ENPEP: variants seen among roughly 807,000 people sequenced by gnomAD.
ENPEP encodes glutamyl aminopeptidase.
Under a neutral mutation model 114.5 loss-of-function variants are expected in ENPEP, and 103 were observed. That is an observed-to-expected ratio of 0.90 (90% CI 0.77 to 1.06). The LOEUF (loss-of-function observed/expected upper bound fraction) is 1.06, where lower values mean the gene tolerates loss of function less well. Among genes scored for constraint, ENPEP ranks in the 50% least tolerant of loss-of-function variants. The pLI, the probability that ENPEP is intolerant of heterozygous loss-of-function variation, is 0.00. For missense variants in ENPEP, 1,196 were observed against 1,161.3 expected, an observed-to-expected ratio of 1.03 and a Z score of -0.43; for synonymous variants, 420 against 422.0, an observed-to-expected ratio of 1.00 and a Z score of 0.06.
At chr4:110,551,142 A>T (rs1392531125) in intron 17 of ENPEP, among the ~76,000 whole-genome samples, 1 of 151,814 alleles carries the variant, frequency 6.6e-6, no homozygotes, top group African/African-American at 2.4e-5. Context: ...TTCACAAAAC[A>T]TCACTAATTC....
chr4:110,529,091 A>G (rs1406267997), intron 10 of ENPEP, among the ~76,000 whole-genome samples: 3 of 152,182 alleles, frequency 2.0e-5, no homozygotes, highest in Admixed American at 6.5e-5. Context: ...TGAGATTAGG[A>G]GAACAGCTTC....
chr4:110,499,598 A>G (rs995687588), intron 3 of ENPEP, among the ~76,000 whole-genome samples: 22 of 152,212 alleles, frequency 1.4e-4, no homozygotes, highest in Non-Finnish European at 1.8e-4. Flanking sequence ...TAGTTTGAAT[A>G]CTATATGTTA....
intron 18 of ENPEP, among the ~76,000 whole-genome samples, chr4:110,554,511 A>T (rs1727402151): frequency 6.6e-6 from 1 of 151,812 alleles, no homozygotes; most frequent in Admixed American, 6.6e-5. Flanking sequence ...CTGTTCACCC[A>T]TCTCTATGAA....
chr4:110,476,558 C>T lies in ENPEP; in HGVS notation c.144C>T (p.Asp48=), dbSNP rs778573747. The T allele has an allele frequency of 6.2e-7, 1 of 1,612,514 alleles. No individual in the cohort carries two copies. Among genetic ancestry groups the T allele is most frequent in the African/African-American group, 1.3e-5 (1 of 74,910 alleles). ...CCAGATCGTGTGACTCCAGCGGGGACGGCGGGCCGGGCACTGCGCCAGCTC... is the reference window on the plus strand; with the variant it reads ...CCAGATCGTGTGACTCCAGCGGGGATGGCGGGCCGGGCACTGCGCCAGCTC... ...GLTRSCDSSG[D]GGPGTAPAPS... The change falls in exon 1 of 20, where the codon GAC becomes GAT. Residue 48 remains aspartate, a synonymous_variant. Coordinates refer to ENST00000265162, the MANE Select transcript of ENPEP (RefSeq NM_001977.4).
At chr4:110,528,148 T>C (rs925074646) in intron 10 of ENPEP, among the ~76,000 whole-genome samples, 1 of 152,236 alleles carries the variant, frequency 6.6e-6, no homozygotes, top group Non-Finnish European at 1.5e-5. Flanking sequence ...ATTTATATTC[T>C]TAGTTGCATG....
At chr4:110,540,417 G>GA (rs895812754) in intron 11 of ENPEP, among the ~76,000 whole-genome samples, 28 of 151,398 alleles carry the variant, frequency 1.8e-4, no homozygotes, top group African/African-American at 6.3e-4. Context: ...GTTATAATCA[G>GA]AAAAAAAATA....
At position 110,542,823 on chromosome 4, in the gene ENPEP, A is replaced by G. The variant is rs763241862; in HGVS notation, c.1880A>G (p.Tyr627Cys). 5 of 1,613,218 alleles carry G rather than the reference A, an allele frequency of 3.1e-6. No individual in the cohort carries two copies. Among genetic ancestry groups the G allele is most frequent in the Non-Finnish European group, 4.2e-6 (5 of 1,179,408 alleles). Residue 627 changes from tyrosine to cysteine, a missense_variant, in exon 12 of 20, where the codon TAT becomes TGT. Coordinates refer to ENST00000265162, the MANE Select transcript of ENPEP (RefSeq NM_001977.4). Reference protein sequence around the residue: ...LKINPDHIGFYRVNYEVATWD... With the variant: ...LKINPDHIGFCRVNYEVATWD... ...ATAAACCCAGATCATATTGGGTTTT[A>G]TCGTGTAAATTATGAAGTAGCAACT... is the stretch of plus-strand genomic sequence containing the variant.
chr4:110,544,909 C>G (rs1303597146), intron 13 of ENPEP, among the ~76,000 whole-genome samples: 1 of 152,110 alleles, frequency 6.6e-6, no homozygotes, highest in African/African-American at 2.4e-5. Flanking sequence ...GAAAATGAAA[C>G]AAATTTGAAA....
Position 110,509,714 on chromosome 4 carries a change from C to T in ENPEP, c.1101C>T (p.Tyr367=). The T allele has an allele frequency of 6.2e-7, 1 of 1,614,194 alleles. No individual in the cohort carries two copies. Among genetic ancestry groups the T allele is most frequent in the Non-Finnish European group, 8.5e-7 (1 of 1,180,026 alleles). The change falls in exon 5 of 20, where the codon TAC becomes TAT. Residue 367 remains tyrosine, a synonymous_variant. Transcript: ENST00000265162. ...GAMENWGLIT[Y]RETNLLYDPK... ...TGGAGAACTGGGGACTCATCACGTA[C>T]AGAGAAACGAACCTGCTTTATGACC... is the stretch of plus-strand genomic sequence containing the variant.
intron 11 of ENPEP, among the ~76,000 whole-genome samples, chr4:110,534,385 T>C (rs993558975): frequency 1.3e-5 from 2 of 152,090 alleles, no homozygotes; most frequent in Admixed American, 1.3e-4. Flanking sequence ...TCTCCTGTCA[T>C]AAAATATAGT....
chr4:110,519,103 A>G, intron 8 of ENPEP: 1 of 455,808 alleles, frequency 2.2e-6, no homozygotes, highest in Non-Finnish European at 4.4e-6. Context: ...CAAGAAGTGA[A>G]TTAACCAAAA....
rs143715554 is a variant in ENPEP at position 110,482,994 on chromosome 4, G to A, written c.645-5547G>A. Among the ~76,000 whole-genome samples, 531 of 152,336 alleles carry A rather than the reference G, an allele frequency of 3.5e-3. 4 individuals carry two copies. Among genetic ancestry groups the A allele is most frequent in the Middle Eastern group, 0.017 (5 of 294 alleles). Reference sequence around the variant, plus strand: ...ACTGCACTCTAGCCTGGGTGACAGAGTGAGACTCCATCTCAAACAAACAAA... The same window carrying A: ...ACTGCACTCTAGCCTGGGTGACAGAATGAGACTCCATCTCAAACAAACAAA... On this transcript the variant is annotated intron_variant, in intron 1 of 19. Coordinates refer to ENST00000265162, the MANE Select transcript of ENPEP (RefSeq NM_001977.4).
intron 3 of ENPEP, among the ~76,000 whole-genome samples, chr4:110,502,437 G>A (rs1394837804): frequency 6.6e-6 from 1 of 152,100 alleles, no homozygotes; most frequent in Non-Finnish European, 1.5e-5. Flanking sequence ...CCTGTCTTGA[G>A]TTGACTTTTG....
Position 110,476,999 on chromosome 4 carries a change from G to C in ENPEP, c.585G>C (p.Trp195Cys), listed in dbSNP as rs775040470. The C allele has an allele frequency of 6.2e-7, 1 of 1,614,198 alleles. No homozygotes were observed. Among genetic ancestry groups the C allele is most frequent in the Non-Finnish European group, 8.5e-7 (1 of 1,180,040 alleles). ...TCCTGACCATGGAGTTCGCCGGCTG[G>C]CTGAACGGCTCCCTCGTGGGATTTT... Reference protein sequence around the residue: ...LYLLTMEFAGWLNGSLVGFYR... With the variant: ...LYLLTMEFAGCLNGSLVGFYR... Residue 195 changes from tryptophan to cysteine, a missense_variant, in exon 1 of 20, where the codon TGG (tryptophan) becomes TGC (cysteine). By Grantham distance (215) the Trp-to-Cys change is radical (BLOSUM62 -2). Coordinates refer to ENST00000265162, the MANE Select transcript of ENPEP (RefSeq NM_001977.4).
intron 8 of ENPEP, among the ~76,000 whole-genome samples, chr4:110,518,796 T>A (rs1338841637): frequency 6.6e-6 from 1 of 152,128 alleles, no homozygotes; most frequent in East Asian, 1.9e-4. Flanking sequence ...ATATTTAAAG[T>A]CCCTTCCAGT....
chr4:110,530,328 A>G (rs1292192581), intron 10 of ENPEP, among the ~76,000 whole-genome samples: 3 of 152,212 alleles, frequency 2.0e-5, no homozygotes, highest in Non-Finnish European at 4.4e-5. Flanking sequence ...CTTGAATGAC[A>G]TACATTTTGT....
chr4:110,477,076 C>A lies in ENPEP; in HGVS notation c.644+18C>A. ...CAAGTCAAGTAAATATTAATTTTTG[C>A]TTTACCTCCCTTAAGCTCACATATC... is the stretch of plus-strand genomic sequence containing the variant. On this transcript the variant is annotated intron_variant, in intron 1 of 19. Transcript: ENST00000265162. 2.5e-6 allele frequency: 4 copies of A among 1,603,786 alleles called. No individual in the cohort carries two copies. The highest frequency in any genetic ancestry group is 3.4e-6 in the Non-Finnish European group (4 of 1,174,270).
intron 1 of ENPEP, among the ~76,000 whole-genome samples, chr4:110,488,234 C>A (rs1246342288): frequency 6.6e-6 from 1 of 152,156 alleles, no homozygotes. Flanking sequence ...TGCTCCTCCA[C>A]AGAGTTTTAG....
intron 3 of ENPEP, among the ~76,000 whole-genome samples, chr4:110,495,094 G>C (rs555985149): frequency 6.6e-6 from 1 of 152,216 alleles, no homozygotes; most frequent in East Asian, 1.9e-4. Context: ...CATCAGAGAG[G>C]AAACAATATC....
Sources: allele counts gnomAD v4.1 joint callset (sites outside exome capture counted in the v4.1 genomes callset), GRCh38; gene constraint gnomAD v4.1.1; transcripts MANE v1.5; gene names NCBI Gene and HGNC (gene_info 2026-07-23, HGNC 2026-07-21).